SGCD: variants seen among roughly 807,000 people sequenced by gnomAD.
SGCD encodes the protein sarcoglycan delta.
SGCD carries 18 observed loss-of-function variants against 36.6 expected under a neutral mutation model. The observed-to-expected ratio is 0.49, with a 90% CI of 0.34 to 0.73. The LOEUF is 0.73. Ranked by LOEUF, SGCD falls within the 30% of genes least tolerant of loss-of-function variation. SGCD has a pLI of 0.01. For synonymous variants in SGCD, 133 were observed against 130.6 expected (o/e 1.02, Z -0.12); for missense variants, 387 against 346.7 (o/e 1.12, Z -0.92).
chr5:155,942,213 A>G (rs907560802), intron 1 of SGCD, among the ~76,000 whole-genome samples: 6 of 152,218 alleles, frequency 3.9e-5, no homozygotes, highest in Non-Finnish European at 7.3e-5. Context: ...GAGGAGAGTC[A>G]ATACTTGAAA....
chr5:155,799,787 C>T, the SGCD span, among the ~76,000 whole-genome samples: 2 of 141,734 alleles, frequency 1.4e-5, no homozygotes, highest in African/African-American at 2.6e-5. Context: ...CTTTTATCCT[C>T]TCCTTATTTC....
intron 3 of SGCD, among the ~76,000 whole-genome samples, chr5:156,296,042 A>G (rs1766885087): frequency 6.6e-6 from 1 of 152,192 alleles, no homozygotes; most frequent in African/African-American, 2.4e-5. Context: ...GAGCCAGAGC[A>G]TCTGTTGGGG....
At chr5:156,647,269 C>T (rs532229270) in intron 6 of SGCD, among the ~76,000 whole-genome samples, 195 bp from the exon 7 acceptor site, 1 of 152,232 alleles carries the variant, frequency 6.6e-6, no homozygotes, top group Admixed American at 6.5e-5. Context: ...AAAAGAAGTT[C>T]CTTGTTTTTC....
intron 7 of SGCD, among the ~76,000 whole-genome samples, chr5:156,670,991 C>T (rs1422438684): frequency 1.3e-5 from 2 of 152,048 alleles, no homozygotes; most frequent in African/African-American, 4.8e-5. Context: ...CTGCCCTTTC[C>T]CTATTTTCCA....
chr5:156,396,819 A>G (rs1771876904), intron 3 of SGCD, among the ~76,000 whole-genome samples: 1 of 152,166 alleles, frequency 6.6e-6, no homozygotes, highest in Non-Finnish European at 1.5e-5. Flanking sequence ...ACTTAGAAGG[A>G]CCTACTATTG....
the SGCD span, among the ~76,000 whole-genome samples, chr5:155,834,302 A>G: frequency 6.6e-6 from 1 of 152,224 alleles, no homozygotes; most frequent in Non-Finnish European, 1.5e-5. Flanking sequence ...ATTTGAAATG[A>G]GTATTTCTGA....
chr5:156,199,993 G>A (rs1202532322), intron 3 of SGCD, among the ~76,000 whole-genome samples: 2 of 152,080 alleles, frequency 1.3e-5, no homozygotes, highest in Non-Finnish European at 2.9e-5. Context: ...TAAAGGCCCT[G>A]TTAACATAGT....
chr5:155,888,670 CT>C (rs1462430013), intron 1 of SGCD, among the ~76,000 whole-genome samples: 3 of 152,130 alleles, frequency 2.0e-5, no homozygotes, highest in Admixed American at 2.0e-4. Context: ...AGATTCTTCT[CT>C]GTGTCTCTAT....
intron 5 of SGCD, among the ~76,000 whole-genome samples, chr5:156,589,992 T>A (rs1760657800): frequency 6.6e-6 from 1 of 152,200 alleles, no homozygotes; most frequent in African/African-American, 2.4e-5. Context: ...GGTAACGTGT[T>A]GAGCAGCACA....
chr5:156,033,507 G>C (rs1422380907), intron 1 of SGCD, among the ~76,000 whole-genome samples: 1 of 152,114 alleles, frequency 6.6e-6, no homozygotes, highest in Non-Finnish European at 1.5e-5. Flanking sequence ...TTCTGTTTCT[G>C]AGTTATCTCA....
chr5:156,748,324 A>G (rs1757022980), intron 7 of SGCD, among the ~76,000 whole-genome samples: 1 of 152,202 alleles, frequency 6.6e-6, no homozygotes, highest in Non-Finnish European at 1.5e-5. Flanking sequence ...ATCAAAGTAT[A>G]TAAGTAAGAT....
intron 4 of SGCD, among the ~76,000 whole-genome samples, chr5:156,581,750 G>A (rs12520121): frequency 0.14 from 20,896 of 152,236 alleles, 1,554 homozygotes; most frequent in Admixed American, 0.18. Context: ...ATAACCTCCC[G>A]GTGTGCCATT....
chr5:156,248,054 T>A (rs979314200), intron 3 of SGCD, among the ~76,000 whole-genome samples: 6 of 152,152 alleles, frequency 3.9e-5, no homozygotes, highest in African/African-American at 1.4e-4. Context: ...CATGAGTAAA[T>A]GTCTCTTGAG....
At chr5:155,842,185 A>C in the SGCD span, among the ~76,000 whole-genome samples, 3 of 151,596 alleles carry the variant, frequency 2.0e-5, no homozygotes, top group Non-Finnish European at 4.4e-5. Context: ...CTCTCTCTGG[A>C]CTACTTGATC....
At chr5:156,159,215 CA>C (rs1250087859) in intron 3 of SGCD, among the ~76,000 whole-genome samples, 7 of 151,352 alleles carry the variant, frequency 4.6e-5, no homozygotes, top group African/African-American at 1.7e-4. Flanking sequence ...GCTATGTGTG[CA>C]AAAATATGTG....
intron 3 of SGCD, among the ~76,000 whole-genome samples, chr5:156,486,743 C>T (rs1205798571): frequency 6.6e-6 from 1 of 152,186 alleles, no homozygotes; most frequent in African/African-American, 2.4e-5. Context: ...CTTTTGCCTG[C>T]TGCCACCACG....
intron 7 of SGCD, among the ~76,000 whole-genome samples, chr5:156,712,638 G>A (rs1755042312): frequency 6.6e-6 from 1 of 152,132 alleles, no homozygotes; most frequent in Non-Finnish European, 1.5e-5. Context: ...AACACTAGAG[G>A]CAAGGTCTGG....
chr5:156,052,493 C>A (rs1331587330), intron 1 of SGCD, among the ~76,000 whole-genome samples: 4 of 146,012 alleles, frequency 2.7e-5, no homozygotes, highest in Non-Finnish European at 6.2e-5. Context: ...GTATTGTGAG[C>A]AGAATAAACT....
intron 3 of SGCD, among the ~76,000 whole-genome samples, chr5:156,142,674 T>G (rs570139182): frequency 2.3e-4 from 35 of 152,342 alleles, no homozygotes; most frequent in African/African-American, 8.4e-4. Context: ...CCTTGGGATC[T>G]GTGGAACTTT....
Sources: gnomAD v4.1 joint callset for allele counts (sites outside exome capture counted in the v4.1 genomes callset) on GRCh38, gnomAD v4.1.1 for gene constraint, MANE v1.5 for transcripts, NCBI Gene and HGNC (gene_info 2026-07-23, HGNC 2026-07-21) for gene names.